Variants in C1orf21 observed in about 807,000 individuals in gnomAD.
C1orf21 encodes the protein chromosome 1 open reading frame 21, also known as uncharacterized protein C1orf21.
C1orf21 carries 3 observed loss-of-function variants against 18.7 expected under a neutral mutation model. That is an observed-to-expected ratio of 0.16 (90% CI 0.07 to 0.42). The LOEUF is 0.42. C1orf21 is among the 10% of genes least tolerant of loss of function. The probability of loss-of-function intolerance (pLI) is 0.99; values close to 1 mark genes in which losing one functional copy is unlikely to be tolerated. For missense variants in C1orf21, 104 were observed against 143.6 expected, an observed-to-expected ratio of 0.72 and a Z score of 1.41; for synonymous variants, 41 against 46.4, an observed-to-expected ratio of 0.88 and a Z score of 0.47.
intron 3 of C1orf21, among the ~76,000 whole-genome samples, chr1:184,519,292 A>G (rs1344447050): frequency 6.6e-6 from 1 of 152,194 alleles, no homozygotes; most frequent in Non-Finnish European, 1.5e-5. Flanking sequence ...AAAGGATAGC[A>G]TCTAGTTTAT....
At chr1:184,419,931 G>T (rs1244272650) in intron 1 of C1orf21, among the ~76,000 whole-genome samples, 2 of 152,174 alleles carry the variant, frequency 1.3e-5, no homozygotes, top group Non-Finnish European at 2.9e-5. Context: ...CAGAGGGAAG[G>T]TGAAGGGTTT....
intron 1 of C1orf21, among the ~76,000 whole-genome samples, chr1:184,452,670 T>A (rs1234671420): frequency 1.3e-5 from 2 of 152,212 alleles, no homozygotes; most frequent in African/African-American, 4.8e-5. Context: ...GATCTTTTTA[T>A]AGATAAATAA....
rs1442595781 is a variant in C1orf21 at position 184,627,986 on chromosome 1, AG to A, written c.*8433del. The A allele has an allele frequency of 6.6e-6, 1 of 152,220 alleles. No individual in the cohort carries two copies. The highest frequency in any genetic ancestry group is 6.5e-5 in the Admixed American group (1 of 15,278). The allele number at this position is 152,220 out of a possible 1,614,324, so 9.4% of individuals were successfully genotyped here. A position where few individuals can be genotyped will look rare whatever the true frequency, so the allele number is the denominator to read the frequency against. On this transcript the variant is annotated 3_prime_UTR_variant, in exon 6 of 6. Transcript: ENST00000235307. Reference sequence around the variant, plus strand: ...AATGGCTACATATTTGCCCTTCCCAAGGGTATTTGCATTTTATTTAGGAACA... The same window carrying A: ...AATGGCTACATATTTGCCCTTCCCAAGGTATTTGCATTTTATTTAGGAACA...
At chr1:184,465,961 C>T (rs1239465451) in intron 1 of C1orf21, among the ~76,000 whole-genome samples, 1 of 152,152 alleles carries the variant, frequency 6.6e-6, no homozygotes, top group African/African-American at 2.4e-5. Flanking sequence ...TGGTGGTCAG[C>T]CTCAGGCATG....
intron 5 of C1orf21, among the ~76,000 whole-genome samples, chr1:184,598,695 T>A (rs1659549431): frequency 6.6e-6 from 1 of 152,106 alleles, no homozygotes; most frequent in African/African-American, 2.4e-5. Flanking sequence ...GTATGTGAAG[T>A]CAGTTGGAAA....
chr1:184,493,047 AAGTC>A (rs1557985958), intron 2 of C1orf21, among the ~76,000 whole-genome samples: 1 of 152,216 alleles, frequency 6.6e-6, no homozygotes, highest in Non-Finnish European at 1.5e-5. Flanking sequence ...AATTTACAGA[AAGTC>A]AGATTCTAAA....
At chr1:184,526,744 G>A (rs1368129697) in intron 3 of C1orf21, among the ~76,000 whole-genome samples, 1 of 152,194 alleles carries the variant, frequency 6.6e-6, no homozygotes, top group Non-Finnish European at 1.5e-5. Flanking sequence ...TGAATAGAAT[G>A]TTTATAGAGG....
intron 3 of C1orf21, among the ~76,000 whole-genome samples, chr1:184,587,765 A>G (rs2101997824): frequency 6.6e-6 from 1 of 151,118 alleles, no homozygotes; most frequent in Middle Eastern, 3.4e-3. Flanking sequence ...AGAGGCACAC[A>G]CCACCATGCC....
intron 5 of C1orf21, among the ~76,000 whole-genome samples, chr1:184,606,149 G>A (rs1048160229): frequency 6.6e-6 from 1 of 152,242 alleles, no homozygotes; most frequent in African/African-American, 2.4e-5. Flanking sequence ...CTTTCGAGCT[G>A]TGATTACAGA....
At chr1:184,588,890 A>G (rs966568226) in intron 3 of C1orf21, among the ~76,000 whole-genome samples, 5 of 151,876 alleles carry the variant, frequency 3.3e-5, no homozygotes, top group African/African-American at 1.2e-4. Flanking sequence ...CTGGAAGCGC[A>G]CTCCTGGGAG....
Position 184,603,303 on chromosome 1 carries a change from T to C in C1orf21, c.327+4842T>C, listed in dbSNP as rs77234872. 2.2e-3 allele frequency among the ~76,000 whole-genome samples: 339 copies of C among 152,334 alleles called. 1 individual carries two copies. The highest frequency in any genetic ancestry group is 7.8e-3 in the African/African-American group (323 of 41,566). On this transcript the variant is annotated intron_variant, in intron 5 of 5. Coordinates refer to ENST00000235307, the MANE Select transcript of C1orf21 (RefSeq NM_030806.4). ...CACCATGCAAACTCATTCTTCTTCC[T>C]TTCTTATATCCCCTCCTTCCTGTCT...
chr1:184,432,670 A>AG (rs1485611815), intron 1 of C1orf21, among the ~76,000 whole-genome samples: 3 of 152,104 alleles, frequency 2.0e-5, no homozygotes, highest in African/African-American at 4.8e-5. Context: ...AGTATTAAAA[A>AG]AAAAGAAAAG....
chr1:184,462,395 C>T (rs1657320871), intron 1 of C1orf21, among the ~76,000 whole-genome samples: 1 of 152,132 alleles, frequency 6.6e-6, no homozygotes, highest in Non-Finnish European at 1.5e-5. Context: ...CAAAAAGCCT[C>T]CAGCGTTTTG....
chr1:184,606,595 G>A (rs1659650305), intron 5 of C1orf21, among the ~76,000 whole-genome samples: 1 of 151,280 alleles, frequency 6.6e-6, no homozygotes, highest in South Asian at 2.1e-4. Flanking sequence ...AAACAAAAAA[G>A]TATTACTATC....
chr1:184,527,649 G>A (rs1658398104), intron 3 of C1orf21, among the ~76,000 whole-genome samples: 1 of 152,142 alleles, frequency 6.6e-6, no homozygotes, highest in Non-Finnish European at 1.5e-5. Context: ...CTAACAAAAT[G>A]GGACACGCTG....
chr1:184,592,855 A>G (rs1321298174), intron 4 of C1orf21, among the ~76,000 whole-genome samples: 1 of 152,188 alleles, frequency 6.6e-6, no homozygotes, highest in African/African-American at 2.4e-5. Context: ...GGGCTCTGTC[A>G]TTCAATTTTT....
Position 184,619,698 on chromosome 1 carries a change from T to C in C1orf21, c.*142T>C. 1.6e-6 allele frequency: 1 copy of C among 611,488 alleles called. No individual in the cohort carries two copies. The highest frequency in any genetic ancestry group is 2.7e-6 in the Non-Finnish European group (1 of 369,864). The allele number at this position is 611,488 out of a possible 1,614,324, so 37.9% of individuals were successfully genotyped here. A position where few individuals can be genotyped will look rare whatever the true frequency, so the allele number is the denominator to read the frequency against. On this transcript the variant is annotated 3_prime_UTR_variant, in exon 6 of 6. Transcript: ENST00000235307. ...GTTCCATATTGTACGCCCCATTAAATTACAGTGTTTCTTAATGAACTTGCA... is the reference window on the plus strand; with the variant it reads ...GTTCCATATTGTACGCCCCATTAAACTACAGTGTTTCTTAATGAACTTGCA...
chr1:184,538,829 G>C (rs1658600050), intron 3 of C1orf21, among the ~76,000 whole-genome samples: 1 of 152,048 alleles, frequency 6.6e-6, no homozygotes, highest in South Asian at 2.1e-4. Context: ...CTTTATGTCA[G>C]TACCACACTG....
rs76876432 is a variant in C1orf21, at chr1:184,551,156, A to G, written c.190-39583A>G. Among the ~76,000 whole-genome samples, 687 of 152,342 alleles carry G rather than the reference A, an allele frequency of 4.5e-3. 7 individuals carry two copies. Among genetic ancestry groups the G allele is most frequent in the African/African-American group, 0.016 (653 of 41,580 alleles). On this transcript the variant is annotated intron_variant, in intron 3 of 5. Transcript: ENST00000235307. ...ATGATCCCTGGAATACAGCAATCCCATGGAGAAGAGGTAGATTATTCAGCA... is the reference window on the plus strand; with the variant it reads ...ATGATCCCTGGAATACAGCAATCCCGTGGAGAAGAGGTAGATTATTCAGCA...
Sources: allele counts gnomAD v4.1 joint callset (sites outside exome capture counted in the v4.1 genomes callset), GRCh38; gene constraint gnomAD v4.1.1; transcripts MANE v1.5; gene names NCBI Gene and HGNC (gene_info 2026-07-23, HGNC 2026-07-21).